PTPRT: variants seen among roughly 807,000 people sequenced by gnomAD.
The protein encoded by PTPRT is receptor-type tyrosine-protein phosphatase T.
PTPRT carries 56 observed loss-of-function variants against 176.8 expected under a neutral mutation model. The ratio of observed to expected loss-of-function variants is 0.32; its 90% CI spans 0.26 to 0.40. PTPRT has a LOEUF of 0.40. Among genes scored for constraint, PTPRT ranks in the 10% least tolerant of loss-of-function variants. PTPRT has a pLI of 1.00. For missense variants in PTPRT, 1,540 were observed against 1,908.2 expected, an observed-to-expected ratio of 0.81 and a Z score of 3.60; for synonymous variants, 783 against 739.0, an observed-to-expected ratio of 1.06 and a Z score of -0.96.
intron 15 of PTPRT, among the ~76,000 whole-genome samples, chr20:42,227,182 A>C (rs1416262289): frequency 1.3e-5 from 2 of 152,060 alleles, no homozygotes; most frequent in Admixed American, 1.3e-4. Context: ...GAGAAGGGGA[A>C]GAGGAGGAAG....
At chr20:42,737,125 T>C (rs1020002749) in intron 6 of PTPRT, among the ~76,000 whole-genome samples, 1 of 152,196 alleles carries the variant, frequency 6.6e-6, no homozygotes, top group Non-Finnish European at 1.5e-5. Context: ...TATTTGGAAA[T>C]AGGGTCTTTG....
At chr20:42,034,175 C>T in the PTPRT span, among the ~76,000 whole-genome samples, 1 of 152,124 alleles carries the variant, frequency 6.6e-6, no homozygotes, top group Non-Finnish European at 1.5e-5. Context: ...TTGAATGAGA[C>T]TGCAGTCTCA....
At chr20:43,057,419 G>C (rs1242391249) in intron 1 of PTPRT, among the ~76,000 whole-genome samples, 1 of 148,152 alleles carries the variant, frequency 6.7e-6, no homozygotes, top group Non-Finnish European at 1.5e-5. Flanking sequence ...AGGGAAGGAG[G>C]GGAGGGGAAG....
intron 1 of PTPRT, among the ~76,000 whole-genome samples, chr20:42,918,896 C>G (rs1978964073): frequency 6.6e-6 from 1 of 152,160 alleles, no homozygotes; most frequent in African/African-American, 2.4e-5. Context: ...GCCTGTCTCC[C>G]TCTTCTAGTT....
At chr20:42,716,393 C>T (rs2076223286) in intron 6 of PTPRT, among the ~76,000 whole-genome samples, 1 of 152,176 alleles carries the variant, frequency 6.6e-6, no homozygotes, top group South Asian at 2.1e-4. Flanking sequence ...CCTATTTCTC[C>T]ACATCCTCTC....
At chr20:42,206,597 C>T (rs1404716339) in intron 15 of PTPRT, among the ~76,000 whole-genome samples, 8 of 152,258 alleles carry the variant, frequency 5.3e-5, no homozygotes, top group East Asian at 3.9e-4. Flanking sequence ...CGGCGAACCA[C>T]GAGATTATAT....
At chr20:42,391,384 A>G (rs1187243541) in intron 9 of PTPRT, among the ~76,000 whole-genome samples, 4 of 152,204 alleles carry the variant, frequency 2.6e-5, no homozygotes, top group Non-Finnish European at 5.9e-5. Flanking sequence ...GAACCCAGAC[A>G]TGGTCCCCTG....
chr20:42,054,957 G>A, the PTPRT span, among the ~76,000 whole-genome samples: 1 of 152,312 alleles, frequency 6.6e-6, no homozygotes, highest in East Asian at 1.9e-4. Context: ...ATACACTGTA[G>A]AAAAGGAATC....
At chr20:42,362,103 A>AT (rs112866442) in intron 9 of PTPRT, among the ~76,000 whole-genome samples, 2 of 152,064 alleles carry the variant, frequency 1.3e-5, no homozygotes, top group African/African-American at 4.8e-5. Context: ...TCCACAAAAA[A>AT]TTTTTTTTAA....
At chr20:42,772,467 G>A (rs1350580675) in intron 4 of PTPRT, among the ~76,000 whole-genome samples, 4 of 152,202 alleles carry the variant, frequency 2.6e-5, no homozygotes, top group African/African-American at 9.7e-5. Flanking sequence ...TGTATGAGCA[G>A]ACAATCTTCG....
rs143726680 is a variant in PTPRT, at chr20:43,097,145, G to A, written c.88+92501C>T. Among the ~76,000 whole-genome samples, 429 of 152,284 alleles carry A rather than the reference G, an allele frequency of 2.8e-3. 2 individuals are homozygous for A. The highest frequency in any genetic ancestry group is 9.2e-3 in the African/African-American group (381 of 41,552). Reference sequence around the variant, plus strand: ...GGGCCTGGACAGTCCCTGCTTCCAAGCAATGCACAGTAAGGGAGCCAGGAA... The same window carrying A: ...GGGCCTGGACAGTCCCTGCTTCCAAACAATGCACAGTAAGGGAGCCAGGAA... On this transcript the variant is annotated intron_variant, in intron 1 of 30. Coordinates refer to ENST00000373187, the MANE Select transcript of PTPRT (RefSeq NM_007050.6).
chr20:43,162,043 G>A (rs186761062), intron 1 of PTPRT, among the ~76,000 whole-genome samples: 15 of 152,272 alleles, frequency 9.9e-5, no homozygotes, highest in African/African-American at 1.7e-4. Context: ...TCCTGTTTTC[G>A]AAACTGGCGG....
intron 1 of PTPRT, among the ~76,000 whole-genome samples, chr20:42,932,046 C>G (rs1979887683): frequency 6.6e-6 from 1 of 152,242 alleles, no homozygotes; most frequent in Admixed American, 6.5e-5. Context: ...ACGGGCCTGG[C>G]TTGGGCGTGA....
intron 1 of PTPRT, among the ~76,000 whole-genome samples, chr20:42,961,900 G>A (rs1396975952): frequency 1.3e-5 from 2 of 152,178 alleles, no homozygotes; most frequent in Non-Finnish European, 2.9e-5. Flanking sequence ...AGAGAAGGAG[G>A]CGTACTGATG....
At chr20:43,012,141 A>G (rs1317092497) in intron 1 of PTPRT, among the ~76,000 whole-genome samples, 2 of 152,156 alleles carry the variant, frequency 1.3e-5, no homozygotes, top group African/African-American at 4.8e-5. Flanking sequence ...ATGTGAGTCA[A>G]TACTCCTTAA....
chr20:42,614,269 A>G (rs2074025206), intron 7 of PTPRT, among the ~76,000 whole-genome samples: 1 of 152,086 alleles, frequency 6.6e-6, no homozygotes, highest in African/African-American at 2.4e-5. Context: ...GTCACAATGG[A>G]TTTGAACACC....
chr20:42,869,652 GAC>G (rs1162242244), intron 2 of PTPRT, among the ~76,000 whole-genome samples: 4 of 152,180 alleles, frequency 2.6e-5, no homozygotes, highest in Non-Finnish European at 5.9e-5. Flanking sequence ...TAATTTAGAT[GAC>G]ACTTTGGACT....
intron 9 of PTPRT, among the ~76,000 whole-genome samples, chr20:42,361,327 T>C (rs997272088): frequency 1.3e-5 from 2 of 152,202 alleles, no homozygotes; most frequent in Admixed American, 6.5e-5. Flanking sequence ...CCTGTGTAAG[T>C]AGAAAGTCCT....
At chr20:43,185,563 G>A (rs897162912) in intron 1 of PTPRT, among the ~76,000 whole-genome samples, 1 of 152,164 alleles carries the variant, frequency 6.6e-6, no homozygotes, top group Admixed American at 6.5e-5. Flanking sequence ...ATTTACTAGT[G>A]TCATCTGTTG....
Sources: allele counts gnomAD v4.1 joint callset (sites outside exome capture counted in the v4.1 genomes callset), GRCh38; gene constraint gnomAD v4.1.1; transcripts MANE v1.5; gene names NCBI Gene and HGNC (gene_info 2026-07-23, HGNC 2026-07-21).